EBF1: variants seen among roughly 807,000 people sequenced by gnomAD.
EBF1 encodes EBF transcription factor 1.
EBF1 carries 10 observed loss-of-function variants against 68.4 expected under a neutral mutation model. That is an observed-to-expected ratio of 0.15 (90% CI 0.09 to 0.25). The LOEUF (loss-of-function observed/expected upper bound fraction) is 0.25, where lower values mean the gene tolerates loss of function less well. EBF1 is among the 10% of genes least tolerant of loss of function. The pLI, the probability that EBF1 is intolerant of heterozygous loss-of-function variation, is 1.00. For synonymous variants in EBF1, 298 were observed against 299.8 expected, an observed-to-expected ratio of 0.99 and a Z score of 0.06; for missense variants, 509 against 794.4, an observed-to-expected ratio of 0.64 and a Z score of 4.32.
In EBF1 at chr5:158,745,471, T is replaced by C. The variant is rs569166144; in HGVS notation, c.1037-14314A>G. On this transcript the variant is annotated intron_variant, in intron 10 of 15. Transcript: ENST00000313708. ...AGGAAAAGGTTTGAACCCACCCACCTAAGCCAGGTACACAGAAGACTCTTT... is the reference window on the plus strand; with the variant it reads ...AGGAAAAGGTTTGAACCCACCCACCCAAGCCAGGTACACAGAAGACTCTTT... 1.2e-4 allele frequency among the ~76,000 whole-genome samples: 18 copies of C among 152,308 alleles called. No homozygotes were observed. In the East Asian group the frequency reaches 2.9e-3, roughly 25 times the overall value.
intron 6 of EBF1, among the ~76,000 whole-genome samples, chr5:158,900,174 T>A (rs1802999142): frequency 6.6e-6 from 1 of 152,206 alleles, no homozygotes; most frequent in South Asian, 2.1e-4. Context: ...CACGTTCTTA[T>A]CTAAGAAGAT....
At chr5:158,980,202 A>G (rs1279809114) in intron 6 of EBF1, among the ~76,000 whole-genome samples, 1 of 152,136 alleles carries the variant, frequency 6.6e-6, no homozygotes, top group Non-Finnish European at 1.5e-5. Flanking sequence ...TCAGCGTCTG[A>G]CTCACTTCAC....
At position 158,838,010 on chromosome 5, in the gene EBF1, A is replaced by C. The variant is rs376340065; in HGVS notation, c.636+2019T>G. On this transcript the variant is annotated intron_variant, in intron 7 of 15. Transcript: ENST00000313708. ...TGTTGCAAGACCCTAAGCAACACAC[A>C]CTTAGTAGCACCACATGTGTGGTTT... Among the ~76,000 whole-genome samples the C allele has an allele frequency of 1.2e-4, 19 of 152,306 alleles. No homozygotes were observed. The South Asian group carries it at 3.9e-3, about 32-fold the overall frequency.
intron 6 of EBF1, among the ~76,000 whole-genome samples, chr5:158,902,685 G>A (rs1259766099): frequency 6.6e-6 from 1 of 151,382 alleles, no homozygotes; most frequent in Non-Finnish European, 1.5e-5. Context: ...CAAACTCCTG[G>A]TCTCAAGGGA....
At position 158,858,675 on chromosome 5, in the gene EBF1, T is replaced by G. The variant is rs554179767; in HGVS notation, c.555-18565A>C. On this transcript the variant is annotated intron_variant, in intron 6 of 15. Transcript: ENST00000313708. ...AATTATTATGTTGCAAAATATCAAG[T>G]TTCATATCTCTGTTGCCCCTAAAAA... 5.9e-5 allele frequency among the ~76,000 whole-genome samples: 9 copies of G among 152,302 alleles called. No individual in the cohort carries two copies. The East Asian group carries it at 1.5e-3, about 26-fold the overall frequency.
At chr5:158,735,219 G>GCTCAGCAT (rs1238042477) in intron 10 of EBF1, among the ~76,000 whole-genome samples, 1 of 152,122 alleles carries the variant, frequency 6.6e-6, no homozygotes, top group Non-Finnish European at 1.5e-5. Flanking sequence ...CTGGGATGCA[G>GCTCAGCAT]CTCAGCATCT....
chr5:158,730,275 G>A (rs544877116), intron 11 of EBF1, among the ~76,000 whole-genome samples: 4 of 152,298 alleles, frequency 2.6e-5, no homozygotes, highest in South Asian at 4.1e-4. Context: ...CTCACAGAAC[G>A]TTGGTTGCAC....
chr5:158,862,449 T>C (rs1043267607), intron 6 of EBF1, among the ~76,000 whole-genome samples: 1 of 152,140 alleles, frequency 6.6e-6, no homozygotes, highest in Non-Finnish European at 1.5e-5. Context: ...CATTCTACAA[T>C]GCATTGAAAC....
intron 6 of EBF1, among the ~76,000 whole-genome samples, chr5:159,042,873 AT>A (rs1364365608): frequency 6.6e-6 from 1 of 150,404 alleles, no homozygotes; most frequent in Non-Finnish European, 1.5e-5. Flanking sequence ...AAAAAAAAAA[AT>A]AAAAAAGTTA....
chr5:158,812,597 G>A (rs1189815584), intron 8 of EBF1, among the ~76,000 whole-genome samples: 1 of 152,108 alleles, frequency 6.6e-6, no homozygotes, highest in Non-Finnish European at 1.5e-5. Context: ...CTTTAGACCC[G>A]GTGGTTCCTG....
chr5:158,708,818 A>C (rs1217795645), intron 14 of EBF1, among the ~76,000 whole-genome samples: 1 of 152,246 alleles, frequency 6.6e-6, no homozygotes, highest in Non-Finnish European at 1.5e-5. Flanking sequence ...AAAAATGCAG[A>C]ACTCTACAAG....
Position 158,977,671 on chromosome 5 carries a change from C to CGTTT in EBF1, c.554+95721_554+95724dup, listed in dbSNP as rs1162836688. Among the ~76,000 whole-genome samples the CGTTT allele has an allele frequency of 3.9e-5, 6 of 152,180 alleles. No individual in the cohort carries two copies. In the East Asian group the frequency reaches 7.7e-4, roughly 20 times the overall value. ...CAATTAAACTTATCTGTGTCATGTG[C>CGTTT]GTTTCCACAGCAAGATATGAAAGGG... On this transcript the variant is annotated intron_variant, in intron 6 of 15. Transcript: ENST00000313708.
chr5:158,935,395 C>A (rs973357566), intron 6 of EBF1, among the ~76,000 whole-genome samples: 3 of 152,190 alleles, frequency 2.0e-5, no homozygotes, highest in Non-Finnish European at 4.4e-5. Context: ...CCCAGCAAGC[C>A]TCTGGGGAGC....
intron 6 of EBF1, among the ~76,000 whole-genome samples, chr5:158,864,355 C>T (rs1795492118): frequency 6.6e-6 from 1 of 151,874 alleles, no homozygotes; most frequent in South Asian, 2.1e-4. Flanking sequence ...GTCTTTCTTA[C>T]CTTTCTGCCA....
intron 6 of EBF1, among the ~76,000 whole-genome samples, chr5:158,949,828 G>A (rs967224409): frequency 1.3e-5 from 2 of 152,198 alleles, no homozygotes; most frequent in Non-Finnish European, 2.9e-5. Context: ...TGCTCTAGTT[G>A]TCTCATGTTA....
At chr5:158,975,746 G>GTCAGAGCTGGAAGGGGC (rs1386480432) in intron 6 of EBF1, among the ~76,000 whole-genome samples, 1 of 152,204 alleles carries the variant, frequency 6.6e-6, no homozygotes, top group Non-Finnish European at 1.5e-5. Context: ...CAACTGGGGG[G>GTCAGAGCTGGAAGGGGC]TCAGAGCTGG....
chr5:158,785,215 A>G (rs1489877729), intron 9 of EBF1, among the ~76,000 whole-genome samples: 1 of 152,192 alleles, frequency 6.6e-6, no homozygotes, highest in Non-Finnish European at 1.5e-5. Flanking sequence ...GGATTTTTAA[A>G]GAGATACCAA....
intron 10 of EBF1, among the ~76,000 whole-genome samples, chr5:158,767,698 T>TG (rs1385013190): frequency 6.6e-6 from 1 of 150,560 alleles, no homozygotes; most frequent in Non-Finnish European, 1.5e-5. Flanking sequence ...AGAGTTAGGG[T>TG]GAAAAAAAAG....
At chr5:159,078,719 G>T (rs1357396253) in intron 5 of EBF1, among the ~76,000 whole-genome samples, 2 of 152,174 alleles carry the variant, frequency 1.3e-5, no homozygotes, top group Admixed American at 6.5e-5. Context: ...TCAGGCGTTG[G>T]TAGCCAGCAC....
Sources: gnomAD v4.1 joint callset for allele counts (sites outside exome capture counted in the v4.1 genomes callset) on GRCh38, gnomAD v4.1.1 for gene constraint, MANE v1.5 for transcripts, NCBI Gene and HGNC (gene_info 2026-07-23, HGNC 2026-07-21) for gene names.